RELL1: variants seen among roughly 807,000 people sequenced by gnomAD.
The protein encoded by RELL1 is RELT like 1, also known as RELT-like protein 1.
In RELL1, 10 loss-of-function variants were observed where a neutral mutation model predicts 23.0. The observed-to-expected ratio is 0.43, with a 90% confidence interval of 0.27 to 0.74. The LOEUF is 0.74. Ranked by LOEUF, RELL1 falls within the 30% of genes least tolerant of loss-of-function variation. The pLI, the probability that RELL1 is intolerant of heterozygous loss-of-function variation, is 0.19. For synonymous variants in RELL1, 146 were observed against 146.8 expected (o/e 0.99, Z 0.04); for missense variants, 315 against 364.4 (o/e 0.86, Z 1.10).
chr4:37,588,879 G>T, downstream of RELL1: 1 of 1,613,540 alleles, frequency 6.2e-7, no homozygotes, highest in Non-Finnish European at 8.5e-7. Flanking sequence ...TGGGGTGCAG[G>T]TGCTGTAAAA....
intron 6 of RELL1, among the ~76,000 whole-genome samples, chr4:37,595,775 T>C (rs1479721080): frequency 6.6e-6 from 1 of 152,146 alleles, no homozygotes; most frequent in East Asian, 1.9e-4. Flanking sequence ...GTTTGGTCTC[T>C]AGAATGAGTC....
intron 6 of RELL1, among the ~76,000 whole-genome samples, chr4:37,616,393 C>T (rs569629270): frequency 1.3e-5 from 2 of 152,378 alleles, no homozygotes; most frequent in South Asian, 2.1e-4. Flanking sequence ...ACACCCACAG[C>T]ATCACTGGAA....
chr4:37,670,078 A>T (rs1002416087), intron 1 of RELL1, among the ~76,000 whole-genome samples: 1 of 151,016 alleles, frequency 6.6e-6, no homozygotes, highest in African/African-American at 2.4e-5. Flanking sequence ...AAAGAAAGAA[A>T]AAAAGGAACC....
chr4:37,604,868 C>CACACACACAG (rs1719134730), intron 6 of RELL1, among the ~76,000 whole-genome samples: 11 of 87,564 alleles, frequency 1.3e-4, no homozygotes, highest in Non-Finnish European at 1.8e-4. Flanking sequence ...CACACACAGA[C>CACACACACAG]ACACACACAC....
intron 1 of RELL1, among the ~76,000 whole-genome samples, chr4:37,657,921 A>G (rs1216273743): frequency 2.0e-5 from 3 of 151,944 alleles, no homozygotes; most frequent in African/African-American, 7.3e-5. Flanking sequence ...AGACCCTGTC[A>G]CACACACACA....
intron 6 of RELL1, among the ~76,000 whole-genome samples, chr4:37,616,003 TA>T (rs1461363343): frequency 6.6e-6 from 1 of 152,136 alleles, no homozygotes; most frequent in Non-Finnish European, 1.5e-5. Context: ...TTGATCCCTT[TA>T]AAAATTAGAA....
intron 6 of RELL1, among the ~76,000 whole-genome samples, chr4:37,604,914 C>G (rs201698534): frequency 0.057 from 2,373 of 41,724 alleles, 242 homozygotes; most frequent in African/African-American, 0.14. Context: ...CACACACACA[C>G]ACACAGACAC....
chr4:37,627,176 T>C (rs145422334), intron 6 of RELL1, among the ~76,000 whole-genome samples: 3 of 152,340 alleles, frequency 2.0e-5, no homozygotes, highest in African/African-American at 7.2e-5. Context: ...CTGATTAATT[T>C]TCAATAAAAA....
At chr4:37,672,823 C>T (rs1328003840) in intron 1 of RELL1, among the ~76,000 whole-genome samples, 1 of 152,168 alleles carries the variant, frequency 6.6e-6, no homozygotes, top group Admixed American at 6.5e-5. Flanking sequence ...CTTAGCCAAG[C>T]AGGATTTACA....
chr4:37,635,087 C>A lies in RELL1; in HGVS notation c.480G>T (p.Val160=), dbSNP rs1247395828. 6.2e-7 allele frequency: 1 copy of A among 1,614,208 alleles called. No individual in the cohort carries two copies. The highest frequency in any genetic ancestry group is 8.5e-7 in the Non-Finnish European group (1 of 1,180,042). Residue 160 remains valine, a synonymous_variant, in exon 5 of 7, where the codon GTG becomes GTT. Transcript: ENST00000454158. Reference sequence around the variant, plus strand: ...CCCCTGGTGACAAAGGCCCAGGACTCACTGGCGGGCTCCCTGGTGTGCTGG... The same window carrying A: ...CCCCTGGTGACAAAGGCCCAGGACTAACTGGCGGGCTCCCTGGTGTGCTGG... ...VTPSTPGSPP[V]SPGPLSPGGT...
intron 1 of RELL1, among the ~76,000 whole-genome samples, chr4:37,652,766 CAT>C (rs1437024462): frequency 6.6e-6 from 1 of 152,180 alleles, no homozygotes; most frequent in Non-Finnish European, 1.5e-5. Context: ...GACTTACAAA[CAT>C]GTGTCATTCA....
chr4:37,630,388 C>T lies in RELL1; in HGVS notation c.*3+997G>A, dbSNP rs565819190. Among the ~76,000 whole-genome samples the T allele has an allele frequency of 6.4e-4, 79 of 123,022 alleles. 2 individuals are homozygous for T. The South Asian group carries it at 0.021, about 33-fold the overall frequency. The allele number at this position is 123,022 out of a possible 152,430, so 80.7% of individuals were successfully genotyped here. On this transcript the variant is annotated intron_variant, in intron 6 of 6. Coordinates refer to ENST00000454158, the MANE Select transcript of RELL1 (RefSeq NM_001085400.2). ...TTTTTTTTTTTTTTTTTTTTGAGAC[C>T]GAGTCTCGCTCTGTCGCCCAGGCTG...
chr4:37,653,149 G>C (rs535622549), intron 1 of RELL1, among the ~76,000 whole-genome samples: 9 of 152,194 alleles, frequency 5.9e-5, no homozygotes, highest in African/African-American at 2.2e-4. Flanking sequence ...TAGGCAGATA[G>C]CTACTGATAA....
chr4:37,676,609 G>GTCATTCAAATT (rs1170125723), intron 1 of RELL1, among the ~76,000 whole-genome samples: 1 of 152,128 alleles, frequency 6.6e-6, no homozygotes, highest in African/African-American at 2.4e-5. Context: ...TTGCTTGTTT[G>GTCATTCAAATT]TCATTATCAT....
chr4:37,677,708 C>T (rs911325597), intron 1 of RELL1, among the ~76,000 whole-genome samples: 14 of 152,310 alleles, frequency 9.2e-5, no homozygotes, highest in Admixed American at 3.3e-4. Context: ...CGGTGGCTCA[C>T]GCCTGTAATC....
At chr4:37,678,814 A>G (rs1169091590) in intron 1 of RELL1, among the ~76,000 whole-genome samples, 1 of 152,208 alleles carries the variant, frequency 6.6e-6, no homozygotes, top group East Asian at 1.9e-4. Context: ...ACCGATAAGG[A>G]AAGTAATTTA....
At chr4:37,599,173 T>G (rs753068877) in intron 6 of RELL1, among the ~76,000 whole-genome samples, 3 of 152,106 alleles carry the variant, frequency 2.0e-5, no homozygotes, top group Non-Finnish European at 4.4e-5. Flanking sequence ...TAATAAAGAA[T>G]AGAAAAGTTA....
intron 1 of RELL1, among the ~76,000 whole-genome samples, chr4:37,655,835 G>C (rs949690597): frequency 3.9e-5 from 6 of 152,242 alleles, no homozygotes; most frequent in Admixed American, 3.9e-4. Context: ...AGAAAGGAAT[G>C]AGTTTCCAGA....
downstream of RELL1, among the ~76,000 whole-genome samples, chr4:37,589,666 C>G (rs1718497249): frequency 6.6e-6 from 1 of 152,188 alleles, no homozygotes; most frequent in Non-Finnish European, 1.5e-5. Context: ...CTGTCTCGCT[C>G]TGTCATCCAG....
Sources: allele counts gnomAD v4.1 joint callset (sites outside exome capture counted in the v4.1 genomes callset), GRCh38; gene constraint gnomAD v4.1.1; transcripts MANE v1.5; gene names NCBI Gene and HGNC (gene_info 2026-07-23, HGNC 2026-07-21).